DUSP12: variants seen among roughly 807,000 people sequenced by gnomAD.
DUSP12 encodes dual specificity protein phosphatase 12.
Under a neutral mutation model 38.9 loss-of-function variants are expected in DUSP12, and 25 were observed. The ratio of observed to expected loss-of-function variants is 0.64; its 90% CI spans 0.47 to 0.90. DUSP12 has a LOEUF of 0.90. Ranked by LOEUF, DUSP12 falls within the 40% of genes least tolerant of loss-of-function variation. The probability of loss-of-function intolerance (pLI) is 0.00; values close to 1 mark genes in which losing one functional copy is unlikely to be tolerated. For missense variants in DUSP12, 403 were observed against 427.0 expected, an observed-to-expected ratio of 0.94 and a Z score of 0.50; for synonymous variants, 153 against 153.9, an observed-to-expected ratio of 0.99 and a Z score of 0.05.
At position 161,756,483 on chromosome 1, in the gene DUSP12, CTATATATATATATATATATATA is replaced by C. The variant is rs10527814; in HGVS notation, c.862-287_862-266del. Among the ~76,000 whole-genome samples the C allele has an allele frequency of 1.1e-4, 14 of 124,736 alleles. 1 individual carries two copies. The South Asian group carries it at 4.0e-3, about 36-fold the overall frequency. 81.8% of individuals were successfully genotyped at this position (124,736 alleles called of 152,430 possible). A position where few individuals can be genotyped will look rare whatever the true frequency, so the allele number is the denominator to read the frequency against. ...CCTAAATTACAAACTGATTTAAAAGCTATATATATATATATATATATATATATATATATATATGCCACATCCA... is the reference window on the plus strand; with the variant it reads ...CCTAAATTACAAACTGATTTAAAAGCTATATATATATATATGCCACATCCA... On this transcript the variant is annotated intron_variant, in intron 5 of 5. Coordinates refer to ENST00000367943, the MANE Select transcript of DUSP12 (RefSeq NM_007240.3).
Position 161,751,974 on chromosome 1 carries a change from GA to G in DUSP12, c.569del (p.Lys190SerfsTer24). The G allele has an allele frequency of 6.2e-7, 1 of 1,604,080 alleles. No homozygotes were observed. Among genetic ancestry groups the G allele is most frequent in the Non-Finnish European group, 8.5e-7 (1 of 1,173,538 alleles). On this transcript the variant is annotated frameshift_variant, in exon 3 of 6. Transcript: ENST00000367943. LOFTEE classifies it high-confidence loss of function. ...KQYRLQKVTE[K>X]YPELQNLPQE... ...AATATCGTTTACAAAAGGTTACAGA[GA>G]AGTATCCAGGTAAGTAATAATTGCT...
In DUSP12 at chr1:161,752,389, A is replaced by G. The variant is rs1329783671; in HGVS notation, c.599A>G (p.Glu200Gly). Residue 200 changes from glutamate (E) to glycine (G), a missense_variant, in exon 4 of 6, where the codon GAA becomes GGA. Coordinates refer to ENST00000367943, the MANE Select transcript of DUSP12 (RefSeq NM_007240.3). ...ATAGAATTGCAGAATTTACCTCAAG[A>G]ACTCTTTGCTGTTGACCCAACTACC... Reference protein sequence around the residue: ...KYPELQNLPQELFAVDPTTVS... With the variant: ...KYPELQNLPQGLFAVDPTTVS... 6.2e-7 allele frequency: 1 copy of G among 1,612,324 alleles called. No homozygotes were observed. Among genetic ancestry groups the G allele is most frequent in the African/African-American group, 1.3e-5 (1 of 74,944 alleles).
In DUSP12 at chr1:161,750,115, G is replaced by A; in HGVS notation, c.314G>A (p.Arg105His). 1 of 1,613,782 alleles carries A rather than the reference G, an allele frequency of 6.2e-7. No individual in the cohort carries two copies. Among genetic ancestry groups the A allele is most frequent in the Non-Finnish European group, 8.5e-7 (1 of 1,179,928 alleles). The change falls in exon 1 of 6, where the codon CGC becomes CAC. Residue 105 changes from arginine (R) to histidine (H), a missense_variant. By Grantham distance (29) the Arg-to-His change is conservative. Coordinates refer to ENST00000367943, the MANE Select transcript of DUSP12 (RefSeq NM_007240.3). The part of the protein sequence containing the change: ...DRCVAFIGQA[R>H]AEGRAVLVHC... ...TGCGTGGCCTTCATCGGTCAGGCCC[G>A]CGCTGAGGGCCGTGCGGTGTTGGTG... is the stretch of plus-strand genomic sequence containing the variant.
chr1:161,752,087 C>T lies in DUSP12; in HGVS notation c.577+103C>T, dbSNP rs185635862. ...AGCAATCCCTGAGAAACTATTGTTT[C>T]TTTTTGAAACTGATTTAGCCAGAAA... On this transcript the variant is annotated intron_variant, in intron 3 of 5. Transcript: ENST00000367943. 2.0e-3 allele frequency: 1,685 copies of T among 851,064 alleles called. 6 individuals carry two copies. The highest frequency in any genetic ancestry group is 4.0e-3 in the Middle Eastern group (11 of 2,722). The allele number at this position is 851,064 out of a possible 1,614,324, so 52.7% of individuals were successfully genotyped here. A position where few individuals can be genotyped will look rare whatever the true frequency, so the allele number is the denominator to read the frequency against.
At position 161,756,991 on chromosome 1, in the gene DUSP12, T is replaced by C; in HGVS notation, c.*44T>C. 6.5e-7 allele frequency: 1 copy of C among 1,546,644 alleles called. No individual in the cohort carries two copies. The highest frequency in any genetic ancestry group is 8.8e-7 in the Non-Finnish European group (1 of 1,134,554). On this transcript the variant is annotated 3_prime_UTR_variant, in exon 6 of 6. Transcript: ENST00000367943. ...TGGGAAGAAACTTGCAGATGATATG[T>C]GCTGCCTTTGCTTCTTATCATTCAT...
chr1:161,751,891 C>T lies in DUSP12; in HGVS notation c.484C>T (p.Leu162=), dbSNP rs1557942884. ...GATGAATGAGGGGTTTGAGTGGCAACTGAAATTATACCAGGCAATGGGATA... is the reference window on the plus strand; with the variant it reads ...GATGAATGAGGGGTTTGAGTGGCAATTGAAATTATACCAGGCAATGGGATA... ...AKMNEGFEWQ[L]KLYQAMGYEV... Residue 162 remains leucine, a synonymous_variant, in exon 3 of 6, where the codon CTG becomes TTG. Coordinates refer to ENST00000367943, the MANE Select transcript of DUSP12 (RefSeq NM_007240.3). 1 of 1,612,888 alleles carries T rather than the reference C, an allele frequency of 6.2e-7. No individual in the cohort carries two copies. The highest frequency in any genetic ancestry group is 2.2e-5 in the East Asian group (1 of 44,866).
At chr1:161,751,566 G>GTA in intron 1 of DUSP12, 102 bp from the exon 2 acceptor site, 1 of 1,402,118 alleles carries the variant, frequency 7.1e-7, no homozygotes, top group East Asian at 2.3e-5. Context: ...AAGCAAAAAT[G>GTA]AAGTGGGCCT....
chr1:161,751,893 G>C lies in DUSP12; in HGVS notation c.486G>C (p.Leu162=), dbSNP rs1269722270. The C allele has an allele frequency of 6.2e-7, 1 of 1,612,936 alleles. No individual in the cohort carries two copies. The highest frequency in any genetic ancestry group is 8.5e-7 in the Non-Finnish European group (1 of 1,179,624). Residue 162 remains leucine (L), a synonymous_variant, in exon 3 of 6, where the codon CTG becomes CTC. Coordinates refer to ENST00000367943, the MANE Select transcript of DUSP12 (RefSeq NM_007240.3). ...AKMNEGFEWQ[L]KLYQAMGYEV... is the part of the protein sequence containing the mutation. ...TGAATGAGGGGTTTGAGTGGCAACT[G>C]AAATTATACCAGGCAATGGGATACG... is the stretch of plus-strand genomic sequence containing the variant.
intron 4 of DUSP12, 37 bp downstream of exon 4, chr1:161,752,501 T>A: frequency 7.4e-7 from 1 of 1,353,982 alleles, no homozygotes; most frequent in East Asian, 2.3e-5. Context: ...TTTTATCTTG[T>A]CTCAGTAGCT....
intron 1 of DUSP12, 60 bp from the exon 2 acceptor site, chr1:161,751,608 G>C: frequency 6.4e-7 from 1 of 1,561,524 alleles, no homozygotes; most frequent in Non-Finnish European, 8.6e-7. Context: ...GCTGGGCTTT[G>C]TGTGTTTTTT....
intron 1 of DUSP12, 172 bp from the exon 2 acceptor site, chr1:161,751,496 G>GA: frequency 1.3e-6 from 1 of 776,944 alleles, no homozygotes; most frequent in Admixed American, 3.4e-5. Context: ...AATTCAAAAG[G>GA]AAAAAGGAAT....
chr1:161,751,170 A>ACAGTGT (rs1684013020), intron 1 of DUSP12: 1 of 154,486 alleles, frequency 6.5e-6, no homozygotes. Context: ...GTAGTAGCGT[A>ACAGTGT]ATTACGGCTC....
rs539673839 is a variant in DUSP12 at position 161,752,238 on chromosome 1, G to C, written c.578-130G>C. Reference sequence around the variant, plus strand: ...TACCTTAGCCTGATTTCTCAACACTGGAATTTGATTTTTTTTTTTTTTTAA... The same window carrying C: ...TACCTTAGCCTGATTTCTCAACACTCGAATTTGATTTTTTTTTTTTTTTAA... On this transcript the variant is annotated intron_variant, in intron 3 of 5. Transcript: ENST00000367943. 13 of 770,964 alleles carry C rather than the reference G, an allele frequency of 1.7e-5. No individual in the cohort carries two copies. In the South Asian group the frequency reaches 2.1e-4, roughly 13 times the overall value. The allele number at this position is 770,964 out of a possible 1,614,324, so 47.8% of individuals were successfully genotyped here.
rs964929767 is a variant in DUSP12, at chr1:161,752,986, T to C, written c.675-89T>C. ...GCATGGGCGACAGAGTGAGACTCTG[T>C]CTCAAAAAAAAAAGAAATACCGCAC... On this transcript the variant is annotated intron_variant, in intron 4 of 5. Transcript: ENST00000367943. The C allele has an allele frequency of 5.3e-5, 37 of 694,656 alleles. No homozygotes were observed. The African/African-American group carries it at 1.8e-3, about 33-fold the overall frequency. The allele number at this position is 694,656 out of a possible 1,614,324, so 43.0% of individuals were successfully genotyped here. A position where few individuals can be genotyped will look rare whatever the true frequency, so the allele number is the denominator to read the frequency against.
intron 5 of DUSP12, among the ~76,000 whole-genome samples, chr1:161,756,500 T>TAC (rs1266546767): frequency 2.1e-4 from 20 of 95,542 alleles, no homozygotes; most frequent in Admixed American, 5.6e-4. Context: ...TATATATATA[T>TAC]ATATATATAT....
In DUSP12 at chr1:161,753,233, C is replaced by G. The variant is rs1365776768; in HGVS notation, c.833C>G (p.Ser278Cys). 1.9e-6 allele frequency: 3 copies of G among 1,607,918 alleles called. No homozygotes were observed. Among genetic ancestry groups the G allele is most frequent in the East Asian group, 2.2e-5 (1 of 44,600 alleles). Residue 278 changes from serine to cysteine, a missense_variant, in exon 5 of 6, where the codon TCT (serine) becomes TGT (cysteine). Physicochemically the swap from Ser to Cys is moderately radical, Grantham distance 112 (BLOSUM62 -1). Coordinates refer to ENST00000367943, the MANE Select transcript of DUSP12 (RefSeq NM_007240.3). ...ATTGAACCTGTACAGTGGATGGAAT[C>G]TGCTTTGTTGGGAGTGATGGATGGA... The part of the protein sequence containing the change: ...YFIEPVQWME[S>C]ALLGVMDGQL...
intron 4 of DUSP12, among the ~76,000 whole-genome samples, 181 bp from the exon 5 acceptor site, chr1:161,752,894 G>T (rs767277270): frequency 6.6e-6 from 1 of 152,042 alleles, no homozygotes; most frequent in African/African-American, 2.4e-5. Context: ...GGAGGCTGAG[G>T]CAGGAGAATT....
At chr1:161,755,450 G>A (rs969346110) in intron 5 of DUSP12, among the ~76,000 whole-genome samples, 2 of 152,000 alleles carry the variant, frequency 1.3e-5, no homozygotes, top group Non-Finnish European at 2.9e-5. Flanking sequence ...TACAAATTTG[G>A]TTTTCAGTAA....
intron 4 of DUSP12, 52 bp from the exon 5 acceptor site, chr1:161,753,011 CATTTCATCCATG>C: frequency 6.9e-7 from 1 of 1,455,164 alleles, no homozygotes; most frequent in South Asian, 1.4e-5. Context: ...AAATACCGCA[CATTTCATCCATG>C]TTTTCATCCT....
Sources: allele counts gnomAD v4.1 joint callset (sites outside exome capture counted in the v4.1 genomes callset), GRCh38; gene constraint gnomAD v4.1.1; transcripts MANE v1.5; gene names NCBI Gene and HGNC (gene_info 2026-07-23, HGNC 2026-07-21).